Variants in ALG13 observed in about 807,000 individuals in gnomAD.
ALG13 encodes ALG13 UDP-N-acetylglucosaminyltransferase subunit.
In ALG13, 11 loss-of-function variants were observed where a neutral mutation model predicts 87.8. The observed-to-expected ratio is 0.13, with a 90% CI of 0.08 to 0.21. The LOEUF is 0.21. Among genes scored for constraint, ALG13 ranks in the 10% least tolerant of loss-of-function variants. The pLI is 1.00. For synonymous variants in ALG13, 320 were observed against 306.3 expected (o/e 1.04, Z -0.47); for missense variants, 756 against 866.1 (o/e 0.87, Z 1.60).
At chrX:111,751,733 A>T (rs1944769212) in intron 24 of ALG13, among the ~76,000 whole-genome samples, 1 of 111,785 alleles carries the variant, frequency 8.9e-6, no homozygotes, top group African/African-American at 3.3e-5. Context: ...TTAAAAAAAA[A>T]TGGCAATAAA....
chrX:111,727,286 G>A (rs746253685), intron 16 of ALG13, 46 bp from the exon 17 acceptor site: 3 of 1,004,928 alleles, frequency 3.0e-6, no homozygotes, highest in East Asian at 3.1e-5. Context: ...GACTACTTAG[G>A]TATTAGTGAA....
At chrX:111,750,856 A>G (rs1943013962) in intron 24 of ALG13, among the ~76,000 whole-genome samples, 1 of 108,189 alleles carries the variant, frequency 9.2e-6, no homozygotes, top group African/African-American at 3.4e-5. Flanking sequence ...TTTAGTAGAG[A>G]TGGAGTTTCT....
chrX:111,736,203 C>T (rs1019157896), intron 22 of ALG13, among the ~76,000 whole-genome samples: 2 of 111,305 alleles, frequency 1.8e-5, no homozygotes, highest in Admixed American at 1.9e-4. Context: ...ACTCAGGAGG[C>T]TGAGGTGGGA....
chrX:111,757,520 A>G lies in ALG13; in HGVS notation c.2974-68A>G, dbSNP rs1457180605. ...TTTTTTTTTTTTTTTGTCTGTGGGG[A>G]ACTGTATTACATTAAGAATAGAGAA... On this transcript the variant is annotated intron_variant, in intron 25 of 26. Transcript: ENST00000394780. 7.1e-5 allele frequency: 51 copies of G among 719,021 alleles called. No homozygotes were observed. In the African/African-American group the frequency reaches 9.7e-4, roughly 14 times the overall value. The allele number at this position is 719,021 out of a possible 1,213,427, so 59.3% of individuals were successfully genotyped here.
At position 111,684,953 on chromosome X, in the gene ALG13, T is replaced by G. The variant is rs773672059; in HGVS notation, c.245-12T>G. On this transcript the variant is annotated splice_polypyrimidine_tract_variant and intron_variant, in intron 2 of 26. Transcript: ENST00000394780. ...TCAAATTGTGTTGAACAAATTTGAT[T>G]TATATTTGTAGGTGCAGGAAGCTGT... 4 of 1,188,002 alleles carry G rather than the reference T, an allele frequency of 3.4e-6. No homozygotes were observed. Among genetic ancestry groups the G allele is most frequent in the Non-Finnish European group, 3.4e-6 (3 of 885,665 alleles).
intron 15 of ALG13, among the ~76,000 whole-genome samples, chrX:111,726,390 C>G (rs1262418755): frequency 9.2e-6 from 1 of 108,824 alleles, no homozygotes; most frequent in African/African-American, 3.4e-5. Context: ...CACGTTACCA[C>G]GCCTGGCTAA....
chrX:111,697,141 A>G (rs1182581793), intron 3 of ALG13, among the ~76,000 whole-genome samples: 2 of 111,218 alleles, frequency 1.8e-5, no homozygotes, highest in Non-Finnish European at 3.8e-5. Context: ...TAAGTCACAA[A>G]AATTTCTAGA....
chrX:111,745,013 G>T, intron 24 of ALG13, 109 bp downstream of exon 24: 1 of 662,822 alleles, frequency 1.5e-6, no homozygotes, highest in Non-Finnish European at 2.4e-6. Context: ...AATGAAAATT[G>T]ACTTGAGAAC....
At chrX:111,743,670 G>T (rs1025920165) in intron 23 of ALG13, 13 of 111,860 alleles carry the variant, frequency 1.2e-4, no homozygotes, top group Non-Finnish European at 2.1e-4. Context: ...ATTATGTCTT[G>T]CTAAAATATC....
At chrX:111,688,909 T>G (rs1329706168) in intron 3 of ALG13, 1 of 748,352 alleles carries the variant, frequency 1.3e-6, no homozygotes. Flanking sequence ...TAAGTGTCCA[T>G]AGCTCTCTGG....
intron 3 of ALG13, among the ~76,000 whole-genome samples, chrX:111,696,554 G>A (rs890598883): frequency 1.8e-4 from 20 of 111,150 alleles, no homozygotes; most frequent in African/African-American, 5.6e-4. Context: ...AAATAATTCC[G>A]GACATACCTC....
intron 11 of ALG13, among the ~76,000 whole-genome samples, chrX:111,720,693 T>C (rs1941295174): frequency 9.0e-6 from 1 of 111,656 alleles, no homozygotes; most frequent in Admixed American, 9.5e-5. Context: ...GTATTGAATA[T>C]GGTGAAATTC....
At chrX:111,690,563 C>T (rs2147791026) in intron 3 of ALG13, among the ~76,000 whole-genome samples, 1 of 111,501 alleles carries the variant, frequency 9.0e-6, no homozygotes, top group African/African-American at 3.3e-5. Context: ...TCTGCAAGTA[C>T]CATCAAGTAT....
intron 5 of ALG13, among the ~76,000 whole-genome samples, chrX:111,710,765 C>T (rs761890052): frequency 5.4e-5 from 6 of 112,065 alleles, no homozygotes; most frequent in Non-Finnish European, 9.4e-5. Context: ...GGCACGATCT[C>T]GGCTCACTGT....
rs981258310 is a variant in ALG13 at position 111,745,003 on chromosome X, A to C, written c.2932+99A>C. The C allele has an allele frequency of 1.1e-4, 80 of 727,306 alleles. 1 individual carries two copies. The highest frequency in any genetic ancestry group is 1.7e-4 in the Non-Finnish European group (79 of 477,580). 59.9% of individuals were successfully genotyped at this position (727,306 alleles called of 1,213,427 possible). On this transcript the variant is annotated intron_variant, in intron 24 of 26. Transcript: ENST00000394780. ...TGACCTATTGGGGAATGGGGAACCA[A>C]ATGAAAATTGACTTGAGAACACAAT...
rs199642821 is a variant in ALG13, at chrX:111,681,205, G to A, written c.-14G>A. On this transcript the variant is annotated 5_prime_UTR_variant, in exon 1 of 27. Coordinates refer to ENST00000394780, the MANE Select transcript of ALG13 (RefSeq NM_001099922.3). ...TATCCGGCCCTTGCGATCAGGGCTT[G>A]AGGAACCCGCGCCATGAAGTGCGTG... 278 of 1,209,568 alleles carry A rather than the reference G, an allele frequency of 2.3e-4. No homozygotes were observed. The highest frequency in any genetic ancestry group is 3.3e-4 in the South Asian group (19 of 56,818).
chrX:111,708,233 T>C lies in ALG13; in HGVS notation c.590T>C (p.Leu197Pro). 1 of 1,211,432 alleles carries C rather than the reference T, an allele frequency of 8.3e-7. No individual in the cohort carries two copies. Among genetic ancestry groups the C allele is most frequent in the Non-Finnish European group, 1.1e-6 (1 of 895,355 alleles). ...TGCCACGCTTTTTTTCCTCTCCCTC[T>C]TACCCCCACCCTGTACAAAATGCAT... ...PSCHAFFPLP[L>P]TPTLYKMHKG... The change falls in exon 4 of 27, where the codon CTT becomes CCT. Residue 197 changes from leucine to proline, a missense_variant. Leu to Pro is a moderately conservative substitution (Grantham distance 98, BLOSUM62 -3). Coordinates refer to ENST00000394780, the MANE Select transcript of ALG13 (RefSeq NM_001099922.3).
At chrX:111,727,264 A>G (rs1942169889) in intron 16 of ALG13, 68 bp from the exon 17 acceptor site, 6 of 935,798 alleles carry the variant, frequency 6.4e-6, no homozygotes, top group Non-Finnish European at 9.0e-6. Flanking sequence ...GTTCTATTTA[A>G]CTACAGAGAC....
At chrX:111,742,329 T>C (rs1184636813) in intron 23 of ALG13, among the ~76,000 whole-genome samples, 1 of 110,624 alleles carries the variant, frequency 9.0e-6, no homozygotes, top group African/African-American at 3.3e-5. Flanking sequence ...AGTCTCCTTT[T>C]AGGCATTAAA....
Sources: allele counts gnomAD v4.1 joint callset (sites outside exome capture counted in the v4.1 genomes callset), GRCh38; gene constraint gnomAD v4.1.1; transcripts MANE v1.5; gene names NCBI Gene and HGNC (gene_info 2026-07-23, HGNC 2026-07-21).